Variants in BEND7 observed in about 807,000 individuals in gnomAD.
BEND7 encodes the protein BEN domain containing 7, also known as BEN domain-containing protein 7.
A neutral mutation model predicts 50.9 loss-of-function variants in BEND7; 28 were observed. That is an observed-to-expected ratio of 0.55 (90% CI 0.41 to 0.75). The LOEUF (loss-of-function observed/expected upper bound fraction) is 0.75, where lower values mean the gene tolerates loss of function less well. BEND7 is among the 30% of genes least tolerant of loss of function. The pLI is 0.00. For missense variants in BEND7, 477 were observed against 491.3 expected (o/e 0.97, Z 0.28); for synonymous variants, 170 against 183.9 (o/e 0.92, Z 0.61).
Position 13,512,909 on chromosome 10 carries a change from C to T in BEND7, c.146-12829G>A, listed in dbSNP as rs149441465. Among the ~76,000 whole-genome samples the T allele has an allele frequency of 4.8e-3, 737 of 152,272 alleles. 3 individuals carry two copies. The highest frequency in any genetic ancestry group is 0.017 in the African/African-American group (697 of 41,568). ...ATGGCAGCCTTCCCTGAGTGAGTCT[C>T]GTGGGAAATCTCTGGGGCTAAGGCA... On this transcript the variant is annotated intron_variant, in intron 2 of 8. Transcript: ENST00000466271.
At chr10:13,514,291 G>A (rs548651125) in intron 2 of BEND7, among the ~76,000 whole-genome samples, 3 of 152,256 alleles carry the variant, frequency 2.0e-5, no homozygotes, top group South Asian at 4.1e-4. Flanking sequence ...GAGAAGATAC[G>A]GTTGAGGAAA....
intron 6 of BEND7, among the ~76,000 whole-genome samples, chr10:13,472,374 T>C (rs2074950981): frequency 6.6e-6 from 1 of 151,840 alleles, no homozygotes; most frequent in Non-Finnish European, 1.5e-5. Flanking sequence ...TCAGGGCCAA[T>C]ACTCGTCATC....
chr10:13,502,036 G>T (rs2077509280), intron 2 of BEND7, among the ~76,000 whole-genome samples: 1 of 149,610 alleles, frequency 6.7e-6, no homozygotes, highest in Non-Finnish European at 1.5e-5. Flanking sequence ...CAATTATAAT[G>T]ATCAATATAT....
At chr10:13,455,624 A>C (rs1838781235) in intron 6 of BEND7, among the ~76,000 whole-genome samples, 1 of 152,124 alleles carries the variant, frequency 6.6e-6, no homozygotes, top group African/African-American at 2.4e-5. Context: ...TACAGGGAGA[A>C]GGAGGAGACG....
At chr10:13,520,746 A>G (rs757261235) in intron 2 of BEND7, among the ~76,000 whole-genome samples, 1 of 152,174 alleles carries the variant, frequency 6.6e-6, no homozygotes. Flanking sequence ...AGGCCGACCC[A>G]ACAGCAACCT....
At position 13,459,283 on chromosome 10, in the gene BEND7, C is replaced by T. The variant is rs1022508319; in HGVS notation, c.1064-6625G>A. On this transcript the variant is annotated intron_variant, in intron 6 of 8. Transcript: ENST00000466271. Reference sequence around the variant, plus strand: ...GTCCCCAGGAGGCCAGGTGAGTGTGCGGCAGGGGAGCTGTGCCTGGAAACT... The same window carrying T: ...GTCCCCAGGAGGCCAGGTGAGTGTGTGGCAGGGGAGCTGTGCCTGGAAACT... Among the ~76,000 whole-genome samples, 15 of 152,202 alleles carry T rather than the reference C, an allele frequency of 9.9e-5. No individual in the cohort carries two copies. In the South Asian group the frequency reaches 1.2e-3, roughly 13 times the overall value.
intron 6 of BEND7, among the ~76,000 whole-genome samples, chr10:13,457,722 T>C (rs57075953): frequency 7.2e-5 from 11 of 152,340 alleles, no homozygotes; most frequent in South Asian, 2.1e-4. Flanking sequence ...AATAGAGGTA[T>C]TGGGGAGACA....
intron 6 of BEND7, among the ~76,000 whole-genome samples, chr10:13,479,069 C>T (rs571608695): frequency 4.0e-5 from 6 of 149,096 alleles, no homozygotes; most frequent in African/African-American, 9.9e-5. Context: ...TACAATGGTG[C>T]GATCTCAGCT....
intron 2 of BEND7, among the ~76,000 whole-genome samples, chr10:13,516,388 T>C (rs745639368): frequency 6.6e-6 from 1 of 152,184 alleles, no homozygotes; most frequent in African/African-American, 2.4e-5. Context: ...GAGTGCATCC[T>C]ATTTCAGAGT....
At position 13,516,619 on chromosome 10, in the gene BEND7, G is replaced by A. The variant is rs576712528; in HGVS notation, c.145+9519C>T. On this transcript the variant is annotated intron_variant, in intron 2 of 8. Transcript: ENST00000466271. The stretch of plus-strand genomic sequence containing the variant: ...CACGTGCCTATAGTCCCAGCTACTC[G>A]GGAGGCTGAGGCAGGAGAATCGCTT... Among the ~76,000 whole-genome samples the A allele has an allele frequency of 3.3e-4, 50 of 152,236 alleles. 3 individuals carry two copies. The South Asian group carries it at 7.7e-3, about 23-fold the overall frequency.
intron 2 of BEND7, among the ~76,000 whole-genome samples, chr10:13,514,131 T>C (rs1381748130): frequency 6.6e-6 from 1 of 152,128 alleles, no homozygotes; most frequent in East Asian, 1.9e-4. Flanking sequence ...TCCCCAGGCC[T>C]GGGAGGGCTC....
At position 13,491,555 on chromosome 10, in the gene BEND7, T is replaced by C. The variant is rs202092104; in HGVS notation, c.837+1056A>G. Reference sequence around the variant, plus strand: ...TGAACTTCTTAACAATTGTAGCAAGTGTTTATAGATTTCAAAAAAAAAAAA... The same window carrying C: ...TGAACTTCTTAACAATTGTAGCAAGCGTTTATAGATTTCAAAAAAAAAAAA... On this transcript the variant is annotated intron_variant, in intron 5 of 8. Coordinates refer to ENST00000466271, the MANE Select transcript of BEND7 (RefSeq NM_001369863.1). Among the ~76,000 whole-genome samples the C allele has an allele frequency of 2.5e-4, 38 of 151,314 alleles. 1 individual carries two copies. The East Asian group carries it at 5.0e-3, about 20-fold the overall frequency.
chr10:13,503,642 G>A (rs111740708), intron 2 of BEND7, among the ~76,000 whole-genome samples: 10 of 152,346 alleles, frequency 6.6e-5, no homozygotes, highest in African/African-American at 2.4e-4. Context: ...AACCTGGGAG[G>A]CGGAGGTTGC....
intron 5 of BEND7, among the ~76,000 whole-genome samples, chr10:13,489,395 C>T (rs1052369492): frequency 1.3e-5 from 2 of 152,156 alleles, no homozygotes; most frequent in African/African-American, 4.8e-5. Context: ...AGGCATTGGG[C>T]TAGAATGGGC....
intron 5 of BEND7, among the ~76,000 whole-genome samples, chr10:13,484,762 A>G (rs2076101496): frequency 6.6e-6 from 1 of 152,254 alleles, no homozygotes. Context: ...ACTTAGAGTC[A>G]TGATTTTAAG....
intron 4 of BEND7, 140 bp from the exon 5 acceptor site, chr10:13,493,016 A>G (rs1187631952): frequency 9.6e-7 from 1 of 1,037,700 alleles, no homozygotes; most frequent in Non-Finnish European, 1.4e-6. Flanking sequence ...TAAATCTCCA[A>G]CTGGACCTAA....
chr10:13,510,491 G>A (rs2078199687), intron 2 of BEND7, among the ~76,000 whole-genome samples: 1 of 152,094 alleles, frequency 6.6e-6, no homozygotes, highest in African/African-American at 2.4e-5. Flanking sequence ...GAAATATTGG[G>A]AACAATGTAA....
chr10:13,466,940 G>A (rs564097118), intron 6 of BEND7, among the ~76,000 whole-genome samples: 16 of 152,170 alleles, frequency 1.1e-4, no homozygotes, highest in Non-Finnish European at 1.9e-4. Context: ...AGGAGGCTCA[G>A]GTCAGACCGC....
chr10:13,476,386 G>A (rs955217559), intron 6 of BEND7, among the ~76,000 whole-genome samples: 1 of 152,214 alleles, frequency 6.6e-6, no homozygotes, highest in African/African-American at 2.4e-5. Flanking sequence ...GAGAGCGGCA[G>A]TTTGTGCTGT....
Sources: gnomAD v4.1 joint callset for allele counts (sites outside exome capture counted in the v4.1 genomes callset) on GRCh38, gnomAD v4.1.1 for gene constraint, MANE v1.5 for transcripts, NCBI Gene and HGNC (gene_info 2026-07-23, HGNC 2026-07-21) for gene names.